Variants in ASPM observed in about 807,000 individuals in gnomAD.
The protein encoded by ASPM is abnormal spindle-like microcephaly-associated protein.
In ASPM, 256 loss-of-function variants were observed where a neutral mutation model predicts 366.4. The observed-to-expected ratio is 0.70, with a 90% confidence interval of 0.63 to 0.77. The LOEUF (loss-of-function observed/expected upper bound fraction) is 0.77. ASPM is among the 30% of genes least tolerant of loss of function. ASPM has a pLI of 0.00. For missense variants in ASPM, 4,146 were observed against 4,090.4 expected (o/e 1.01, Z -0.37); for synonymous variants, 1,414 against 1,342.9 (o/e 1.05, Z -1.16).
Position 197,100,708 on chromosome 1 carries a change from T to C in ASPM, c.8543A>G (p.Gln2848Arg). ...CAALRIQFFL[Q>R]MAVYRRRFVQ... ...AAATCTTCTCCGATACACAGCCATCTGAAGGAAGAACTGAATCCGTAGGGC... is the reference window on the plus strand; with the variant it reads ...AAATCTTCTCCGATACACAGCCATCCGAAGGAAGAACTGAATCCGTAGGGC... Residue 2848 changes from glutamine (Q) to arginine (R), a missense_variant, in exon 18 of 28, where the codon CAG becomes CGG. Coordinates refer to ENST00000367409, the MANE Select transcript of ASPM (RefSeq NM_018136.5). 6.2e-7 allele frequency: 1 copy of C among 1,612,506 alleles called. No homozygotes were observed. The highest frequency in any genetic ancestry group is 8.5e-7 in the Non-Finnish European group (1 of 1,179,078).
chr1:197,106,189 C>G (rs1021341309), intron 17 of ASPM, among the ~76,000 whole-genome samples: 2 of 151,970 alleles, frequency 1.3e-5, no homozygotes, highest in African/African-American at 4.8e-5. Flanking sequence ...TTTCCTGACC[C>G]TTTTCCTGTA....
rs1571600986 is a variant in ASPM at position 197,103,473 on chromosome 1, G to A, written c.5778C>T (p.Val1926=). ...QFRLFKTAAL[V]IQQNFRAWTA... is the part of the protein sequence containing the mutation. ...TCCATGCTCTGAAATTTTGCTGGATGACTAATGCTGCTGTTTTAAACAATC... is the reference window on the plus strand; with the variant it reads ...TCCATGCTCTGAAATTTTGCTGGATAACTAATGCTGCTGTTTTAAACAATC... Residue 1926 remains valine (V), a synonymous_variant, in exon 18 of 28, where the codon GTC becomes GTT. Transcript: ENST00000367409. The A allele has an allele frequency of 1.2e-6, 2 of 1,613,100 alleles. No individual in the cohort carries two copies. Among genetic ancestry groups the A allele is most frequent in the East Asian group, 4.5e-5 (2 of 44,846 alleles).
chr1:197,130,646 TATTA>T (rs1297183689), intron 7 of ASPM, among the ~76,000 whole-genome samples: 5 of 152,282 alleles, frequency 3.3e-5, no homozygotes, highest in Non-Finnish European at 5.9e-5. Context: ...CATGGAAAAG[TATTA>T]ATTATTACCT....
intron 12 of ASPM, among the ~76,000 whole-genome samples, 158 bp from the exon 13 acceptor site, chr1:197,124,489 T>G (rs1364569066): frequency 6.6e-6 from 1 of 152,058 alleles, no homozygotes; most frequent in African/African-American, 2.4e-5. Context: ...CTGAAATGGA[T>G]ATTTTAGTAC....
In ASPM at chr1:197,084,234, G is replaced by T; in HGVS notation, c.*90C>A. ...TTTAAAACAAAGTCAGATTTTAAAA[G>T]TTGTACACGGAGAGCAAAAATCACT... On this transcript the variant is annotated 3_prime_UTR_variant, in exon 28 of 28. Transcript: ENST00000367409. 1.1e-6 allele frequency: 1 copy of T among 923,094 alleles called. No individual in the cohort carries two copies. Among genetic ancestry groups the T allele is most frequent in the Non-Finnish European group, 1.7e-6 (1 of 574,552 alleles). 57.2% of individuals were successfully genotyped at this position (923,094 alleles called of 1,614,324 possible). A position where few individuals can be genotyped will look rare whatever the true frequency, so the allele number is the denominator to read the frequency against.
intron 17 of ASPM, among the ~76,000 whole-genome samples, chr1:197,109,684 T>C (rs150526303): frequency 8.5e-4 from 129 of 152,180 alleles, no homozygotes; most frequent in African/African-American, 2.8e-3. Context: ...CACGACTATG[T>C]AGAAAATCTC....
intron 8 of ASPM, 138 bp downstream of exon 8, chr1:197,129,777 G>T: frequency 1.0e-6 from 1 of 966,118 alleles, no homozygotes; most frequent in Non-Finnish European, 1.6e-6. Flanking sequence ...GAGGGTGGAG[G>T]AAGGGAGAGT....
chr1:197,111,245 A>G (rs1458783600), intron 17 of ASPM, among the ~76,000 whole-genome samples: 3 of 152,084 alleles, frequency 2.0e-5, no homozygotes, highest in Non-Finnish European at 4.4e-5. Flanking sequence ...AAAACAAAAA[A>G]CAAATAACCC....
chr1:197,108,231 A>G (rs1463091623), intron 17 of ASPM, among the ~76,000 whole-genome samples: 2 of 151,990 alleles, frequency 1.3e-5, no homozygotes, highest in East Asian at 1.9e-4. Flanking sequence ...AAAAAATACC[A>G]TATCAAAATT....
chr1:197,141,446 A>G (rs116014082), intron 3 of ASPM, among the ~76,000 whole-genome samples: 1 of 152,312 alleles, frequency 6.6e-6, no homozygotes, highest in African/African-American at 2.4e-5. Flanking sequence ...TCTCAAACCT[A>G]TATCAATTGT....
chr1:197,142,385 G>A lies in ASPM; in HGVS notation c.1867C>T (p.Pro623Ser). 2 of 1,613,866 alleles carry A rather than the reference G, an allele frequency of 1.2e-6. No homozygotes were observed. Among genetic ancestry groups the A allele is most frequent in the Non-Finnish European group, 1.7e-6 (2 of 1,179,826 alleles). Residue 623 changes from proline to serine, a missense_variant, in exon 3 of 28, where the codon CCC becomes TCC. Pro to Ser is a moderately conservative substitution (Grantham distance 74). Coordinates refer to ENST00000367409, the MANE Select transcript of ASPM (RefSeq NM_018136.5). Reference sequence around the variant, plus strand: ...CTGTTGCTAATACGTTTTGAGATGGGTGTTGTCACATTTTTTGTTTTCTTA... The same window carrying A: ...CTGTTGCTAATACGTTTTGAGATGGATGTTGTCACATTTTTTGTTTTCTTA... ...AVKKTKNVTT[P>S]ISKRISNREK... is the part of the protein sequence containing the mutation.
In ASPM at chr1:197,104,187, A is replaced by C. The variant is rs1241755449; in HGVS notation, c.5064T>G (p.Thr1688=). Residue 1688 remains threonine (T), a synonymous_variant, in exon 18 of 28, where the codon ACT becomes ACG. Transcript: ENST00000367409. The part of the protein sequence containing the change: ...LKNATIKLQS[T]VKMKQTRKQY... ...GTTTACGTGTTTGTTTCATCTTAAC[A>C]GTTGACTGCAATTTTATTGTAGCAT... 2.5e-6 allele frequency: 4 copies of C among 1,612,628 alleles called. No homozygotes were observed. The highest frequency in any genetic ancestry group is 2.2e-5 in the South Asian group (2 of 91,034).
rs1213845883 is a variant in ASPM at position 197,091,978 on chromosome 1, G to C, written c.9373C>G (p.Gln3125Glu). The change falls in exon 22 of 28, where the codon CAA becomes GAA. Residue 3125 changes from glutamine (Q) to glutamate (E), a missense_variant. Transcript: ENST00000367409. ...GCCAGGTAAAGTTTATAGGCTCTTT[G>C]AATTCTAACAGCATTCAGGTGATAA... ...AYYHLNAVRI[Q>E]RAYKLYLAVK... 1 of 1,611,696 alleles carries C rather than the reference G, an allele frequency of 6.2e-7. No homozygotes were observed. The highest frequency in any genetic ancestry group is 2.2e-5 in the East Asian group (1 of 44,736).
intron 10 of ASPM, 136 bp from the exon 11 acceptor site, chr1:197,125,327 T>C (rs1658058046): frequency 1.9e-6 from 2 of 1,073,934 alleles, no homozygotes; most frequent in Admixed American, 4.3e-5. Context: ...CAAAAAACTA[T>C]CTCAAAACTC....
rs938374287 is a variant in ASPM at position 197,119,162 on chromosome 1, G to C, written c.3871-1179C>G. ...ACATAAATACTAAGGAATGGTAAGT[G>C]CTATATATTGGATCATTCCTCTGGG... On this transcript the variant is annotated intron_variant, in intron 16 of 27. Coordinates refer to ENST00000367409, the MANE Select transcript of ASPM (RefSeq NM_018136.5). Among the ~76,000 whole-genome samples the C allele has an allele frequency of 6.6e-5, 10 of 152,272 alleles. No homozygotes were observed. The East Asian group carries it at 1.9e-3, about 29-fold the overall frequency.
Position 197,128,496 on chromosome 1 carries a change from C to T in ASPM, c.2930G>A (p.Arg977His), listed in dbSNP as rs767547880. 20 of 1,611,518 alleles carry T rather than the reference C, an allele frequency of 1.2e-5. No individual in the cohort carries two copies. The highest frequency in any genetic ancestry group is 5.0e-5 in the Admixed American group (3 of 60,016). ...TTCTATTTCTTATACGTACACAAGGCGCACTCCACATTGCAAGTCTACGGC... is the reference window on the plus strand; with the variant it reads ...TTCTATTTCTTATACGTACACAAGGTGCACTCCACATTGCAAGTCTACGGC... ...NLAVDLQCGV[R>H]LVRTMELLTQ... Residue 977 changes from arginine to histidine, a missense_variant, in exon 10 of 28, where the codon CGC becomes CAC. Coordinates refer to ENST00000367409, the MANE Select transcript of ASPM (RefSeq NM_018136.5).
chr1:197,085,877 G>T (rs991758817), intron 27 of ASPM, among the ~76,000 whole-genome samples: 1 of 152,008 alleles, frequency 6.6e-6, no homozygotes, highest in African/African-American at 2.4e-5. Context: ...TACATTTAAA[G>T]GATGCATTTA....
In ASPM at chr1:197,102,685, A is replaced by G; in HGVS notation, c.6566T>C (p.Met2189Thr). Reference protein sequence around the residue: ...GVRVRRTLRKMQTAATLIQSN... With the variant: ...GVRVRRTLRKTQTAATLIQSN... ...CTGAATGAGTGTTGCTGCAGTCTGC[A>G]TCTTTCTAAGAGTCCGTCTAACTCT... The change falls in exon 18 of 28, where the codon ATG becomes ACG. Residue 2189 changes from methionine (M) to threonine (T), a missense_variant. Transcript: ENST00000367409. 3 of 1,612,714 alleles carry G rather than the reference A, an allele frequency of 1.9e-6. No homozygotes were observed. The highest frequency in any genetic ancestry group is 2.5e-6 in the Non-Finnish European group (3 of 1,179,294).
chr1:197,143,441 A>G lies in ASPM; in HGVS notation c.811T>C (p.Phe271Leu). 6.2e-7 allele frequency: 1 copy of G among 1,614,046 alleles called. No individual in the cohort carries two copies. Among genetic ancestry groups the G allele is most frequent in the Non-Finnish European group, 8.5e-7 (1 of 1,179,900 alleles). The stretch of plus-strand genomic sequence containing the variant: ...GTTTCAGTTACAGCTTTCTCATTAA[A>G]AGAAACTTTTGAAACGTTGGCACTG... ...VHSANVSKVS[F>L]NEKAVTETSF... is the part of the protein sequence containing the mutation. Residue 271 changes from phenylalanine (F) to leucine (L), a missense_variant, in exon 3 of 28, where the codon TTT becomes CTT. By Grantham distance (22) the Phe-to-Leu change is conservative. Coordinates refer to ENST00000367409, the MANE Select transcript of ASPM (RefSeq NM_018136.5).
Sources: gnomAD v4.1 joint callset for allele counts (sites outside exome capture counted in the v4.1 genomes callset) on GRCh38, gnomAD v4.1.1 for gene constraint, MANE v1.5 for transcripts, NCBI Gene and HGNC (gene_info 2026-07-23, HGNC 2026-07-21) for gene names.